Variants in STON2 observed in about 807,000 individuals in gnomAD.
The protein encoded by STON2 is stonin-2.
Under a neutral mutation model 65.7 loss-of-function variants are expected in STON2, and 29 were observed. The ratio of observed to expected loss-of-function variants is 0.44; its 90% CI spans 0.33 to 0.60. The LOEUF is 0.60. STON2 is among the 20% of genes least tolerant of loss of function. STON2 has a pLI of 0.03. For missense variants in STON2, 1,054 were observed against 1,118.1 expected, an observed-to-expected ratio of 0.94 and a Z score of 0.82; for synonymous variants, 404 against 414.2, an observed-to-expected ratio of 0.98 and a Z score of 0.30.
chr14:81,337,062 G>C (rs868357625), intron 4 of STON2, among the ~76,000 whole-genome samples: 2 of 152,194 alleles, frequency 1.3e-5, no homozygotes, highest in Non-Finnish European at 2.9e-5. Context: ...GTGAGCTTTA[G>C]AGAAGATAAT....
rs1466780527 is a variant in STON2 at position 81,278,675 on chromosome 14, G to T, written c.807C>A (p.Ser269Arg). 6.5e-7 allele frequency: 1 copy of T among 1,528,450 alleles called. No homozygotes were observed. Among genetic ancestry groups the T allele is most frequent in the East Asian group, 2.3e-5 (1 of 44,132 alleles). 94.7% of individuals were successfully genotyped at this position (1,528,450 alleles called of 1,614,324 possible). ...CAGGGTGCCCATTCATGGCTGGACT[G>T]CTGGCCTGCCAGCTGATGGCCTCCA... Reference protein sequence around the residue: ...VEMEAISWQASSPAMNGHPAP... With the variant: ...VEMEAISWQARSPAMNGHPAP... Residue 269 changes from serine to arginine, a missense_variant, in exon 6 of 8, where the codon AGC becomes AGA. Ser to Arg is a moderately radical substitution (Grantham distance 110). Coordinates refer to ENST00000614646, the MANE Select transcript of STON2 (RefSeq NM_001394390.1).
intron 3 of STON2, among the ~76,000 whole-genome samples, chr14:81,392,316 T>C (rs775299996): frequency 1.3e-5 from 2 of 152,196 alleles, no homozygotes; most frequent in Non-Finnish European, 2.9e-5. Flanking sequence ...CTCCTCTTCC[T>C]GTGTGGAACC....
At chr14:81,320,206 G>A (rs938207076) in intron 5 of STON2, among the ~76,000 whole-genome samples, 1 of 151,686 alleles carries the variant, frequency 6.6e-6, no homozygotes, top group African/African-American at 2.4e-5. Context: ...GATTCTAGGA[G>A]AGCAAGCAGA....
At chr14:81,380,694 C>G (rs1450924456) in intron 3 of STON2, among the ~76,000 whole-genome samples, 1 of 152,160 alleles carries the variant, frequency 6.6e-6, no homozygotes, top group Non-Finnish European at 1.5e-5. Flanking sequence ...AGCTGGAGGT[C>G]ATTATCCTAA....
chr14:81,428,658 G>C lies in STON2; in HGVS notation c.-309-1446C>G, dbSNP rs536903814. Among the ~76,000 whole-genome samples the C allele has an allele frequency of 3.3e-5, 5 of 152,298 alleles. 1 individual carries two copies. In the South Asian group the frequency reaches 1.0e-3, roughly 32 times the overall value. On this transcript the variant is annotated intron_variant, in intron 1 of 8. Coordinates refer to the STON2 transcript ENST00000553821. ...GAATCGCTTGAACCCAGGAGGCAGA[G>C]GCTGCAGTGAACTGAGATCCTGCCA...
intron 2 of STON2, among the ~76,000 whole-genome samples, chr14:81,396,463 G>T (rs1025227611): frequency 6.6e-6 from 1 of 152,168 alleles, no homozygotes; most frequent in Non-Finnish European, 1.5e-5. Flanking sequence ...AGTGCTTGGG[G>T]GTCACAAAGG....
rs759285214 is a variant in STON2, at chr14:81,398,572, G to A, written c.-190C>T. 1.6e-4 allele frequency: 74 copies of A among 470,636 alleles called. No homozygotes were observed. Among genetic ancestry groups the A allele is most frequent in the Non-Finnish European group, 2.1e-4 (56 of 267,176 alleles). 29.2% of individuals were successfully genotyped at this position (470,636 alleles called of 1,614,324 possible). ...TCTCTTGCCGTTGGTTAATCTGCCA[G>A]GCAGAAATCTGTTTAACAAACAAAC... On this transcript the variant is annotated 5_prime_UTR_variant, in exon 2 of 8. Transcript: ENST00000614646.
chr14:81,368,514 G>T (rs1898839462), intron 4 of STON2, among the ~76,000 whole-genome samples: 1 of 152,158 alleles, frequency 6.6e-6, no homozygotes, highest in South Asian at 2.1e-4. Context: ...AGGAGTTTGA[G>T]ATCAGCCTGA....
At chr14:81,319,511 A>G (rs1250638617) in intron 5 of STON2, among the ~76,000 whole-genome samples, 1 of 152,186 alleles carries the variant, frequency 6.6e-6, no homozygotes, top group African/African-American at 2.4e-5. Flanking sequence ...TTTTGGCCAA[A>G]GGTGATCATA....
At chr14:81,295,853 A>G (rs900026266) in intron 5 of STON2, among the ~76,000 whole-genome samples, 1 of 152,236 alleles carries the variant, frequency 6.6e-6, no homozygotes, top group African/African-American at 2.4e-5. Context: ...GTTATATGTT[A>G]GAAAATTTGG....
chr14:81,319,418 C>T (rs1298965296), intron 5 of STON2, among the ~76,000 whole-genome samples: 1 of 152,084 alleles, frequency 6.6e-6, no homozygotes, highest in African/African-American at 2.4e-5. Flanking sequence ...AAACCCCAGG[C>T]AGATACAATG....
chr14:81,361,792 A>G (rs1898504110), intron 4 of STON2, among the ~76,000 whole-genome samples: 1 of 152,152 alleles, frequency 6.6e-6, no homozygotes, highest in Middle Eastern at 3.2e-3. Context: ...AAACAACTCT[A>G]TAGAAAGAAA....
intron 3 of STON2, among the ~76,000 whole-genome samples, chr14:81,384,971 GACT>G (rs1899722696): frequency 6.6e-6 from 1 of 152,138 alleles, no homozygotes; most frequent in Non-Finnish European, 1.5e-5. Flanking sequence ...CTGCTCCCAG[GACT>G]AGCTCAGAGG....
intron 3 of STON2, among the ~76,000 whole-genome samples, chr14:81,391,333 C>G (rs372920671): frequency 3.9e-5 from 6 of 152,176 alleles, no homozygotes; most frequent in African/African-American, 1.4e-4. Flanking sequence ...CAATATACAG[C>G]ACATGCATTC....
rs137874294 is a variant in STON2, at chr14:81,406,283, T to A, written c.-198-7703A>T. 1.0e-2 allele frequency among the ~76,000 whole-genome samples: 1,516 copies of A among 152,258 alleles called. 36 individuals carry two copies. Among genetic ancestry groups the A allele is most frequent in the African/African-American group, 0.034 (1,412 of 41,538 alleles). ...CATCTATCCTATTAATTCTGTCCCT[T>A]TAGAGAACCCTAACACACAGGGCTT... On this transcript the variant is annotated intron_variant, in intron 2 of 8. Transcript: ENST00000553821.
At position 81,265,853 on chromosome 14, in the gene STON2, G is replaced by A. The variant is rs1344265600; in HGVS notation, c.*2561C>T. ...CTCCAACAAGCAATCCACATGTTAT[G>A]CTAGCAGATGAGGCAGAGATCTTGA... On this transcript the variant is annotated 3_prime_UTR_variant, in exon 8 of 8. Coordinates refer to ENST00000614646, the MANE Select transcript of STON2 (RefSeq NM_001394390.1). 1.0e-6 allele frequency: 1 copy of A among 985,226 alleles called. No individual in the cohort carries two copies. The highest frequency in any genetic ancestry group is 1.2e-6 in the Non-Finnish European group (1 of 829,916). 61.0% of individuals were successfully genotyped at this position (985,226 alleles called of 1,614,324 possible).
chr14:81,284,047 A>G (rs1895238263), intron 5 of STON2, among the ~76,000 whole-genome samples: 1 of 152,196 alleles, frequency 6.6e-6, no homozygotes, highest in Non-Finnish European at 1.5e-5. Context: ...CCCATATAAG[A>G]TGGTAAACTT....
intron 5 of STON2, among the ~76,000 whole-genome samples, chr14:81,294,352 C>T (rs183471444): frequency 6.6e-6 from 1 of 152,132 alleles, no homozygotes; most frequent in East Asian, 1.9e-4. Context: ...CCTAGGTCAA[C>T]CTAGGCATAA....
chr14:81,404,439 T>C (rs1900750371), upstream of STON2, among the ~76,000 whole-genome samples: 1 of 151,678 alleles, frequency 6.6e-6, no homozygotes, highest in Non-Finnish European at 1.5e-5. Flanking sequence ...TTTCACCAGT[T>C]CCTTTCAACT....
Sources: allele counts gnomAD v4.1 joint callset (sites outside exome capture counted in the v4.1 genomes callset), GRCh38; gene constraint gnomAD v4.1.1; transcripts MANE v1.5; gene names NCBI Gene and HGNC (gene_info 2026-07-23, HGNC 2026-07-21).